Variants in FNTB observed in about 807,000 individuals in gnomAD.
The protein encoded by FNTB is farnesyltransferase, CAAX box, subunit beta.
FNTB carries 27 observed loss-of-function variants against 59.4 expected under a neutral mutation model. The ratio of observed to expected loss-of-function variants is 0.45; its 90% confidence interval spans 0.34 to 0.63. FNTB has a LOEUF of 0.63. FNTB is among the 20% of genes least tolerant of loss of function. The probability of loss-of-function intolerance (pLI) is 0.02; values close to 1 mark genes in which losing one functional copy is unlikely to be tolerated. For synonymous variants in FNTB, 230 were observed against 220.7 expected, an observed-to-expected ratio of 1.04 and a Z score of -0.37; for missense variants, 449 against 559.6, an observed-to-expected ratio of 0.80 and a Z score of 1.99.
chr14:65,051,864 A>G (rs577945788), intron 9 of FNTB, among the ~76,000 whole-genome samples: 6 of 148,328 alleles, frequency 4.0e-5, no homozygotes, highest in Admixed American at 2.7e-4. Context: ...GTGTGATCTC[A>G]GCTCACTGCA....
At chr14:64,993,010 A>AT (rs2140037184) in intron 1 of FNTB, among the ~76,000 whole-genome samples, 1 of 152,024 alleles carries the variant, frequency 6.6e-6, no homozygotes, top group Non-Finnish European at 1.5e-5. Flanking sequence ...TACTTTTTAT[A>AT]TTTTTTTGTA....
In FNTB at chr14:65,056,269, A is replaced by G. The variant is rs60468595; in HGVS notation, c.1182+1580A>G. On this transcript the variant is annotated intron_variant, in intron 11 of 11. Coordinates refer to ENST00000246166, the MANE Select transcript of FNTB (RefSeq NM_002028.4). ...TTATTCATTTTAACTATTATATGAT[A>G]CTCCCTTATATAAATGTACCCCAGT... is the stretch of plus-strand genomic sequence containing the variant. 6.3e-3 allele frequency among the ~76,000 whole-genome samples: 951 copies of G among 152,004 alleles called. 11 individuals are homozygous for G. Among genetic ancestry groups the G allele is most frequent in the African/African-American group, 0.022 (899 of 41,420 alleles).
intron 2 of FNTB, among the ~76,000 whole-genome samples, chr14:65,010,339 T>C (rs1380660749): frequency 6.6e-6 from 1 of 152,248 alleles, no homozygotes; most frequent in African/African-American, 2.4e-5. Flanking sequence ...CTGTCACTTG[T>C]GTGCAGACAA....
chr14:65,060,889 AAAAAAAC>A (rs1158361954), intron 11 of FNTB, among the ~76,000 whole-genome samples: 24 of 144,350 alleles, frequency 1.7e-4, no homozygotes, highest in Non-Finnish European at 3.3e-4. Context: ...AAAAAAAAAA[AAAAAAAC>A]AGTTTGAGAT....
chr14:64,997,432 A>T lies in FNTB; in HGVS notation c.145-6817A>T, dbSNP rs996255182. On this transcript the variant is annotated intron_variant, in intron 1 of 11. Transcript: ENST00000246166. The surrounding 1 kb of genome is among the most constrained non-coding windows in gnomAD (Gnocchi z 4.5). ...CCATTCCCTAACCCCCTGCCCACCAAACTATCCTTGAAAAACCTCCAAACC... is the reference window on the plus strand; with the variant it reads ...CCATTCCCTAACCCCCTGCCCACCATACTATCCTTGAAAAACCTCCAAACC... Among the ~76,000 whole-genome samples, 10 of 152,090 alleles carry T rather than the reference A, an allele frequency of 6.6e-5. No homozygotes were observed. The highest frequency in any genetic ancestry group is 1.2e-4 in the Non-Finnish European group (8 of 68,006).
At position 64,990,416 on chromosome 14, in the gene FNTB, G is replaced by C. The variant is rs1888151075; in HGVS notation, c.144+3319G>C. Among the ~76,000 whole-genome samples, 1 of 152,148 alleles carries C rather than the reference G, an allele frequency of 6.6e-6. No homozygotes were observed. The highest frequency in any genetic ancestry group is 2.1e-4 in the South Asian group (1 of 4,834). Reference sequence around the variant, plus strand: ...TATTTCTTCCCTCCTGCAGGCTTGTGTGGGGTGGGGTTTCCTTAGACTTAA... The same window carrying C: ...TATTTCTTCCCTCCTGCAGGCTTGTCTGGGGTGGGGTTTCCTTAGACTTAA... On this transcript the variant is annotated intron_variant, in intron 1 of 11. Transcript: ENST00000246166. This position sits in a 1 kb window ranked among gnomAD's most constrained non-coding sequence, Gnocchi z 5.2.
intron 3 of FNTB, among the ~76,000 whole-genome samples, chr14:65,013,748 A>G (rs2061722445): frequency 6.6e-6 from 1 of 152,190 alleles, no homozygotes; most frequent in Admixed American, 6.5e-5. Flanking sequence ...GGGTTTCACC[A>G]TATTGGCCAG....
At position 65,023,823 on chromosome 14, in the gene FNTB, G is replaced by A. The variant is rs180973792; in HGVS notation, c.375-3630G>A. Among the ~76,000 whole-genome samples the A allele has an allele frequency of 1.3e-5, 2 of 152,156 alleles. No individual in the cohort carries two copies. The highest frequency in any genetic ancestry group is 6.5e-5 in the Admixed American group (1 of 15,280). On this transcript the variant is annotated intron_variant, in intron 4 of 11. Transcript: ENST00000246166. The surrounding 1 kb of genome is among the most constrained non-coding windows in gnomAD (Gnocchi z 4.1). ...TTATTAGAAATGAGGACTCTCAGCC[G>A]GGCATGGTGGCTCACGCCTGTAATC...
intron 7 of FNTB, among the ~76,000 whole-genome samples, chr14:65,036,527 A>C (rs1443362467): frequency 6.6e-6 from 1 of 151,962 alleles, no homozygotes; most frequent in Admixed American, 6.6e-5. Flanking sequence ...GTGAGCCACC[A>C]CACCCAGCCT....
chr14:65,018,643 C>G (rs1322137918), intron 4 of FNTB, among the ~76,000 whole-genome samples: 3 of 151,536 alleles, frequency 2.0e-5, no homozygotes, highest in Admixed American at 6.6e-5. Flanking sequence ...AATCTTGTCT[C>G]TACTAAAAAT....
In FNTB at chr14:65,044,497, C is replaced by G. The variant is rs2062431245; in HGVS notation, c.955+54C>G. 3 of 1,565,972 alleles carry G rather than the reference C, an allele frequency of 1.9e-6. No homozygotes were observed. The African/African-American group carries it at 4.2e-5, about 22-fold the overall frequency. ...CTGGATGATTTCCCTCCACTACTCA[C>G]AAAGTCTGGAAGCCCAGCGTGCTTT... On this transcript the variant is annotated intron_variant, in intron 9 of 11. Transcript: ENST00000246166. The surrounding 1 kb of genome is among the most constrained non-coding windows in gnomAD (Gnocchi z 5.5).
In FNTB at chr14:65,030,507, G is replaced by A. The variant is rs2062059845; in HGVS notation, c.606-2103G>A. ...TAATCTCAACACTTTGAGAGACTGA[G>A]ATGAGAGAATCACTTGAGGCCAGGA... On this transcript the variant is annotated intron_variant, in intron 6 of 11. Transcript: ENST00000246166. This position sits in a 1 kb window ranked among gnomAD's most constrained non-coding sequence, Gnocchi z 4.5. 6.6e-6 allele frequency among the ~76,000 whole-genome samples: 1 copy of A among 152,216 alleles called. No individual in the cohort carries two copies. Among genetic ancestry groups the A allele is most frequent in the African/African-American group, 2.4e-5 (1 of 41,450 alleles).
In FNTB at chr14:65,004,308, A is replaced by G; in HGVS notation, c.204A>G (p.Val68=). ...GTTCTTACAAGTTCAACCACCTTGTACCAAGGTAAGCTGTGGTTAGGAGTT... is the reference window on the plus strand; with the variant it reads ...GTTCTTACAAGTTCAACCACCTTGTGCCAAGGTAAGCTGTGGTTAGGAGTT... ...VFSSYKFNHL[V]PRLVLQREKH... is the part of the protein sequence containing the mutation. The change falls in exon 2 of 12, where the codon GTA becomes GTG. Residue 68 remains valine, a synonymous_variant. Transcript: ENST00000246166. 6.2e-7 allele frequency: 1 copy of G among 1,613,062 alleles called. No individual in the cohort carries two copies. The highest frequency in any genetic ancestry group is 8.5e-7 in the Non-Finnish European group (1 of 1,179,436).
In FNTB at chr14:65,047,214, T is replaced by G. The variant is rs2062504195; in HGVS notation, c.955+2771T>G. Among the ~76,000 whole-genome samples the G allele has an allele frequency of 6.6e-6, 1 of 152,230 alleles. No individual in the cohort carries two copies. Among genetic ancestry groups the G allele is most frequent in the African/African-American group, 2.4e-5 (1 of 41,466 alleles). On this transcript the variant is annotated intron_variant, in intron 9 of 11. Coordinates refer to ENST00000246166, the MANE Select transcript of FNTB (RefSeq NM_002028.4). This position sits in a 1 kb window ranked among gnomAD's most constrained non-coding sequence, Gnocchi z 5.2. Reference sequence around the variant, plus strand: ...GGCTGTACTGAGCATTTCACATATGTTTTCTCATTTAATTCTCAAAACAAC... The same window carrying G: ...GGCTGTACTGAGCATTTCACATATGGTTTCTCATTTAATTCTCAAAACAAC...
intron 8 of FNTB, among the ~76,000 whole-genome samples, chr14:65,043,539 C>T (rs1454461693): frequency 6.6e-6 from 1 of 152,088 alleles, no homozygotes. Flanking sequence ...AATGTAGTAC[C>T]AGGCCGGGCA....
At chr14:65,049,650 T>A (rs566185722) in intron 9 of FNTB, among the ~76,000 whole-genome samples, 3 of 152,348 alleles carry the variant, frequency 2.0e-5, no homozygotes, top group African/African-American at 7.2e-5. Flanking sequence ...CGTTTTCTTT[T>A]CAGACTCTAA....
Position 65,060,463 on chromosome 14 carries a change from G to A in FNTB, c.1183-718G>A, listed in dbSNP as rs985627583. On this transcript the variant is annotated intron_variant, in intron 11 of 11. Transcript: ENST00000246166. ...AATAATCCCAGCACTTTGGGAGGCCGAGGCGGGCGGATCACGAGGTCAGGA... is the reference window on the plus strand; with the variant it reads ...AATAATCCCAGCACTTTGGGAGGCCAAGGCGGGCGGATCACGAGGTCAGGA... 1.9e-5 allele frequency among the ~76,000 whole-genome samples: 2 copies of A among 103,278 alleles called. 1 individual carries two copies. Among genetic ancestry groups the A allele is most frequent in the South Asian group, 6.4e-4 (2 of 3,128 alleles). 67.8% of individuals were successfully genotyped at this position (103,278 alleles called of 152,430 possible).
intron 1 of FNTB, among the ~76,000 whole-genome samples, chr14:65,002,586 A>G (rs1293218117): frequency 6.6e-6 from 1 of 151,892 alleles, no homozygotes; most frequent in Non-Finnish European, 1.5e-5. Context: ...TCCAGCCTGG[A>G]TGACAGAGAC....
intron 1 of FNTB, 25 bp from the exon 2 acceptor site, chr14:65,004,224 C>T: frequency 1.2e-6 from 2 of 1,610,180 alleles, no homozygotes; most frequent in Non-Finnish European, 1.7e-6. Context: ...TGTTTTCTCT[C>T]TCCTATCTCC....
Sources: gnomAD v4.1 joint callset for allele counts (sites outside exome capture counted in the v4.1 genomes callset) on GRCh38, gnomAD v4.1.1 for gene constraint, Gnocchi (gnomAD v3.1) non-coding constraint, MANE v1.5 for transcripts, NCBI Gene and HGNC (gene_info 2026-07-23, HGNC 2026-07-21) for gene names.